LIN7A: variants seen among roughly 807,000 people sequenced by gnomAD.
LIN7A encodes protein lin-7 homolog A.
A neutral mutation model predicts 29.8 loss-of-function variants in LIN7A; 25 were observed. The observed-to-expected ratio is 0.84, with a 90% CI of 0.61 to 1.17. The LOEUF (loss-of-function observed/expected upper bound fraction) is 1.17. LIN7A is among the 50% of genes most tolerant of loss of function. The pLI is 0.00. For missense variants in LIN7A, 239 were observed against 287.0 expected (o/e 0.83, Z 1.21); for synonymous variants, 118 against 107.5 (o/e 1.10, Z -0.60).
At chr12:80,873,406 G>T (rs1446017301) in intron 2 of LIN7A, among the ~76,000 whole-genome samples, 1 of 151,806 alleles carries the variant, frequency 6.6e-6, no homozygotes, top group Non-Finnish European at 1.5e-5. Flanking sequence ...GGTTGCACAA[G>T]CCTGTAGTTC....
intron 1 of LIN7A, among the ~76,000 whole-genome samples, chr12:80,921,254 A>G (rs1409239650): frequency 1.3e-5 from 2 of 151,942 alleles, no homozygotes; most frequent in African/African-American, 4.8e-5. Flanking sequence ...TGATTTTGGA[A>G]TTCCCAGACT....
At chr12:80,917,878 T>A (rs1877104406) in intron 1 of LIN7A, among the ~76,000 whole-genome samples, 1 of 152,224 alleles carries the variant, frequency 6.6e-6, no homozygotes, top group Non-Finnish European at 1.5e-5. Flanking sequence ...TGGCTCCTCC[T>A]CATGTGTTTT....
chr12:80,918,933 C>T (rs1378164188), intron 1 of LIN7A, among the ~76,000 whole-genome samples: 6 of 152,300 alleles, frequency 3.9e-5, no homozygotes, highest in Admixed American at 3.3e-4. Flanking sequence ...AAACACTTAT[C>T]GTTGTGTCAC....
chr12:80,850,531 G>A (rs143839794), intron 2 of LIN7A, among the ~76,000 whole-genome samples: 2 of 152,104 alleles, frequency 1.3e-5, no homozygotes, highest in Non-Finnish European at 1.5e-5. Flanking sequence ...TGGGGACAAT[G>A]TTGCCCTTCA....
intron 4 of LIN7A, among the ~76,000 whole-genome samples, chr12:80,842,528 C>A (rs1266820497): frequency 2.6e-5 from 4 of 152,086 alleles, no homozygotes; most frequent in Non-Finnish European, 5.9e-5. Flanking sequence ...TTCTGAAAAT[C>A]TTCCATATTT....
intron 1 of LIN7A, among the ~76,000 whole-genome samples, chr12:80,910,684 T>G (rs528350070): frequency 6.6e-6 from 1 of 152,334 alleles, no homozygotes; most frequent in South Asian, 2.1e-4. Flanking sequence ...TAAAATATGT[T>G]AAACCATACT....
intron 4 of LIN7A, chr12:80,842,228 A>G: frequency 1.3e-6 from 1 of 783,082 alleles, no homozygotes; most frequent in Non-Finnish European, 1.8e-6. Context: ...CTAACATTCC[A>G]TGTTAATAGT....
rs1870569677 is a variant in LIN7A, at chr12:80,798,618, A to C, written c.*1-892T>G. Among the ~76,000 whole-genome samples the C allele has an allele frequency of 2.6e-5, 4 of 152,122 alleles. No homozygotes were observed. The South Asian group carries it at 8.3e-4, about 31-fold the overall frequency. ...CATCATTCTGACTACTACTTCTATC[A>C]CTAATGAAAATTTATTGAGTGCTCA... On this transcript the variant is annotated intron_variant, in intron 5 of 5. Transcript: ENST00000552864.
At chr12:80,805,757 C>T (rs1334509526) in intron 5 of LIN7A, among the ~76,000 whole-genome samples, 3 of 151,898 alleles carry the variant, frequency 2.0e-5, no homozygotes, top group Non-Finnish European at 1.5e-5. Flanking sequence ...CCAGAATTCC[C>T]GTGTTGTGGA....
chr12:80,929,188 C>A (rs1460669589), intron 1 of LIN7A, among the ~76,000 whole-genome samples: 1 of 152,174 alleles, frequency 6.6e-6, no homozygotes, highest in Admixed American at 6.5e-5. Context: ...AGTCCTCAAT[C>A]TTTTCCAAAT....
intron 1 of LIN7A, among the ~76,000 whole-genome samples, chr12:80,920,966 C>T (rs755858135): frequency 1.3e-5 from 2 of 152,186 alleles, no homozygotes; most frequent in Non-Finnish European, 2.9e-5. Flanking sequence ...CAGAGGATTG[C>T]TGAGGCCAAG....
intron 1 of LIN7A, among the ~76,000 whole-genome samples, chr12:80,923,866 A>G (rs772534116): frequency 1.1e-4 from 16 of 152,298 alleles, no homozygotes; most frequent in Non-Finnish European, 1.8e-4. Flanking sequence ...TCAATTCTCA[A>G]TTCTTCAAAA....
intron 4 of LIN7A, among the ~76,000 whole-genome samples, chr12:80,818,166 G>A (rs1871625194): frequency 1.3e-5 from 2 of 152,062 alleles, no homozygotes; most frequent in East Asian, 3.9e-4. Context: ...TTGTTTGTTT[G>A]TTTTCTTTTT....
intron 4 of LIN7A, 50 bp from the exon 5 acceptor site, chr12:80,811,733 C>T (rs1349139067): frequency 3.5e-5 from 54 of 1,557,340 alleles, no homozygotes; most frequent in Non-Finnish European, 4.3e-5. Flanking sequence ...ATGTTCTTTT[C>T]CCTGGAGACA....
intron 1 of LIN7A, among the ~76,000 whole-genome samples, chr12:80,925,551 T>C (rs1050376006): frequency 6.6e-6 from 1 of 152,214 alleles, no homozygotes; most frequent in African/African-American, 2.4e-5. Flanking sequence ...TTACACACAT[T>C]AACTCATTTA....
intron 1 of LIN7A, among the ~76,000 whole-genome samples, chr12:80,899,777 T>TTTTTC (rs1876107422): frequency 7.6e-6 from 1 of 131,558 alleles, no homozygotes; most frequent in South Asian, 2.5e-4. Flanking sequence ...TTTCTTTTTT[T>TTTTTC]TTTTTTTTTG....
chr12:80,895,479 G>A (rs1312377568), intron 1 of LIN7A, among the ~76,000 whole-genome samples: 1 of 152,146 alleles, frequency 6.6e-6, no homozygotes, highest in Non-Finnish European at 1.5e-5. Context: ...GTCATTTAAA[G>A]TTACTGTTCA....
At chr12:80,921,560 G>A (rs955559669) in intron 1 of LIN7A, among the ~76,000 whole-genome samples, 1 of 150,938 alleles carries the variant, frequency 6.6e-6, no homozygotes, top group Non-Finnish European at 1.5e-5. Flanking sequence ...GCGTTGGGGA[G>A]GGTGGGAGGG....
intron 2 of LIN7A, among the ~76,000 whole-genome samples, chr12:80,871,116 T>G (rs1198365957): frequency 6.6e-6 from 1 of 152,078 alleles, no homozygotes; most frequent in Non-Finnish European, 1.5e-5. Context: ...AGGCTGAAAA[T>G]AGTGCGGGAA....
Sources: allele counts gnomAD v4.1 joint callset (sites outside exome capture counted in the v4.1 genomes callset), GRCh38; gene constraint gnomAD v4.1.1; transcripts MANE v1.5; gene names NCBI Gene and HGNC (gene_info 2026-07-23, HGNC 2026-07-21).